Variants in B3GALT1 observed in about 807,000 individuals in gnomAD.
The protein encoded by B3GALT1 is UDP-Gal:betaGlcNAc beta 1,3-galactosyltransferase, polypeptide 1.
In B3GALT1, 10 loss-of-function variants were observed where a neutral mutation model predicts 23.2. That is an observed-to-expected ratio of 0.43 (90% CI 0.27 to 0.73). B3GALT1 has a LOEUF of 0.73. Among genes scored for constraint, B3GALT1 ranks in the 30% least tolerant of loss-of-function variants. B3GALT1 has a pLI of 0.21. For missense variants in B3GALT1, 299 were observed against 405.4 expected, an observed-to-expected ratio of 0.74 and a Z score of 2.25; for synonymous variants, 156 against 141.5, an observed-to-expected ratio of 1.10 and a Z score of -0.73.
chr2:167,340,328 A>C (rs933074133), intron 1 of B3GALT1, among the ~76,000 whole-genome samples: 2 of 151,556 alleles, frequency 1.3e-5, no homozygotes, highest in South Asian at 2.1e-4. Flanking sequence ...AAAAAAAAAA[A>C]AAAAAAACAG....
At chr2:167,330,793 C>A (rs1355963395) in intron 1 of B3GALT1, among the ~76,000 whole-genome samples, 1 of 151,990 alleles carries the variant, frequency 6.6e-6, no homozygotes, top group Non-Finnish European at 1.5e-5. Context: ...TCATTGAGCT[C>A]CTTTAGATCA....
chr2:167,836,674 G>T (rs1465069809), intron 4 of B3GALT1, among the ~76,000 whole-genome samples: 1 of 152,098 alleles, frequency 6.6e-6, no homozygotes, highest in African/African-American at 2.4e-5. Context: ...GAAATACAGA[G>T]AACACCACAA....
chr2:167,477,370 G>C (rs989198492), intron 1 of B3GALT1, among the ~76,000 whole-genome samples: 11 of 152,088 alleles, frequency 7.2e-5, no homozygotes, highest in African/African-American at 2.7e-4. Context: ...GCCACTCCAG[G>C]CCATGCAGTG....
chr2:167,717,205 T>C (rs181499461), intron 3 of B3GALT1, among the ~76,000 whole-genome samples: 98 of 148,074 alleles, frequency 6.6e-4, no homozygotes, highest in African/African-American at 2.2e-3. Context: ...TCTTTCTTTC[T>C]TTCCTTTGAT....
intron 1 of B3GALT1, among the ~76,000 whole-genome samples, chr2:167,413,378 T>C (rs1559089136): frequency 6.6e-6 from 1 of 151,984 alleles, no homozygotes; most frequent in Non-Finnish European, 1.5e-5. Context: ...AACATAACAG[T>C]GGTTGTTAAG....
At chr2:167,443,976 C>G (rs1451010528) in intron 1 of B3GALT1, among the ~76,000 whole-genome samples, 1 of 152,156 alleles carries the variant, frequency 6.6e-6, no homozygotes, top group Admixed American at 6.5e-5. Flanking sequence ...CCAGTTTTTG[C>G]CCATTCAGTA....
At chr2:167,328,188 T>C (rs541661804) in intron 1 of B3GALT1, among the ~76,000 whole-genome samples, 9 of 152,332 alleles carry the variant, frequency 5.9e-5, no homozygotes, top group African/African-American at 1.9e-4. Flanking sequence ...TTTCTTTTCC[T>C]GTTGTGCCAT....
chr2:167,478,054 C>G (rs1699510551), intron 1 of B3GALT1, among the ~76,000 whole-genome samples: 1 of 152,146 alleles, frequency 6.6e-6, no homozygotes. Flanking sequence ...ATATGAAAAT[C>G]TGCTTTGCAA....
intron 1 of B3GALT1, among the ~76,000 whole-genome samples, chr2:167,333,222 C>T (rs13385369): frequency 0.013 from 2,029 of 152,200 alleles, 27 homozygotes; most frequent in Admixed American, 0.035. Context: ...GATGAACAAG[C>T]GATAACTAAC....
At chr2:167,775,339 G>A (rs1419255600) in intron 3 of B3GALT1, among the ~76,000 whole-genome samples, 1 of 152,160 alleles carries the variant, frequency 6.6e-6, no homozygotes, top group Admixed American at 6.5e-5. Context: ...GGGAGGCCGA[G>A]GTGGGTGGAT....
intron 1 of B3GALT1, among the ~76,000 whole-genome samples, chr2:167,406,467 T>C (rs548455913): frequency 1.3e-5 from 2 of 151,906 alleles, no homozygotes; most frequent in Non-Finnish European, 2.9e-5. Context: ...GAATCCAGAC[T>C]CCCACATCCA....
At chr2:167,398,715 A>G (rs1011330113) in intron 1 of B3GALT1, among the ~76,000 whole-genome samples, 3 of 152,170 alleles carry the variant, frequency 2.0e-5, no homozygotes, top group Non-Finnish European at 4.4e-5. Context: ...AACTGCTCAG[A>G]GTATCATTCA....
At chr2:167,612,289 A>C (rs1251161298) in intron 2 of B3GALT1, among the ~76,000 whole-genome samples, 1 of 151,922 alleles carries the variant, frequency 6.6e-6, no homozygotes, top group Non-Finnish European at 1.5e-5. Context: ...GTATGTTTGC[A>C]GTAAATGAGA....
At chr2:167,484,193 C>A (rs1699595100) in intron 1 of B3GALT1, among the ~76,000 whole-genome samples, 1 of 152,022 alleles carries the variant, frequency 6.6e-6, no homozygotes, top group South Asian at 2.1e-4. Context: ...ATAAGCCAAG[C>A]CTTCAGTAAA....
chr2:167,487,244 G>A (rs1003769769), intron 1 of B3GALT1, among the ~76,000 whole-genome samples: 2 of 152,166 alleles, frequency 1.3e-5, no homozygotes, highest in African/African-American at 4.8e-5. Context: ...CCAGTAGACT[G>A]TAGCCCAAAC....
At chr2:167,808,815 A>T (rs1688817208) in intron 3 of B3GALT1, among the ~76,000 whole-genome samples, 1 of 152,044 alleles carries the variant, frequency 6.6e-6, no homozygotes, top group Non-Finnish European at 1.5e-5. Flanking sequence ...TATTTCCCGA[A>T]TTTGAATGTT....
At chr2:167,436,009 G>T (rs984197574) in intron 1 of B3GALT1, among the ~76,000 whole-genome samples, 1 of 150,552 alleles carries the variant, frequency 6.6e-6, no homozygotes, top group East Asian at 1.9e-4. Context: ...ACTAGTCCAA[G>T]TTACTATTAT....
chr2:167,822,811 C>T (rs1689136756), intron 4 of B3GALT1, among the ~76,000 whole-genome samples: 2 of 152,144 alleles, frequency 1.3e-5, no homozygotes, highest in Admixed American at 1.3e-4. Flanking sequence ...CTCCTTCTTC[C>T]CTTACCCGAG....
At chr2:167,294,057 C>T (rs1696305248) in intron 1 of B3GALT1, among the ~76,000 whole-genome samples, 1 of 152,210 alleles carries the variant, frequency 6.6e-6, no homozygotes. Flanking sequence ...GAGTCCCACT[C>T]TGAGGTACTG....
Sources: gnomAD v4.1 joint callset for allele counts (sites outside exome capture counted in the v4.1 genomes callset) on GRCh38, gnomAD v4.1.1 for gene constraint, MANE v1.5 for transcripts, NCBI Gene and HGNC (gene_info 2026-07-23, HGNC 2026-07-21) for gene names.